Variants in KIAA1328 observed in about 807,000 individuals in gnomAD.
KIAA1328 encodes the protein KIAA1328.
In KIAA1328, 52 loss-of-function variants were observed where a neutral mutation model predicts 68.1. The observed-to-expected ratio is 0.76, with a 90% CI of 0.61 to 0.96. KIAA1328 has a LOEUF of 0.96. Among genes scored for constraint, KIAA1328 ranks in the 40% least tolerant of loss-of-function variants. The pLI, the probability that KIAA1328 is intolerant of heterozygous loss-of-function variation, is 0.00. For missense variants in KIAA1328, 641 were observed against 677.6 expected (o/e 0.95, Z 0.60); for synonymous variants, 232 against 239.4 (o/e 0.97, Z 0.28).
chr18:37,026,164 C>T (rs1350206952), intron 6 of KIAA1328, among the ~76,000 whole-genome samples: 1 of 152,170 alleles, frequency 6.6e-6, no homozygotes, highest in Non-Finnish European at 1.5e-5. Context: ...CCTCCCAAGA[C>T]TAAACCAGGA....
At chr18:37,072,558 T>C (rs2056572941) in intron 7 of KIAA1328, among the ~76,000 whole-genome samples, 1 of 152,188 alleles carries the variant, frequency 6.6e-6, no homozygotes, top group Non-Finnish European at 1.5e-5. Flanking sequence ...TCTTCCTAAA[T>C]TATTTTTTTC....
At chr18:36,946,068 G>A (rs952593449) in intron 5 of KIAA1328, among the ~76,000 whole-genome samples, 1 of 152,118 alleles carries the variant, frequency 6.6e-6, no homozygotes, top group Non-Finnish European at 1.5e-5. Context: ...TCAGAGTTTG[G>A]AGTATTTCTA....
intron 5 of KIAA1328, among the ~76,000 whole-genome samples, chr18:36,895,552 TTATC>T (rs1332983086): frequency 6.6e-6 from 1 of 152,176 alleles, no homozygotes; most frequent in Non-Finnish European, 1.5e-5. Flanking sequence ...TCTAATAAGT[TTATC>T]TAACTGCTAA....
chr18:37,180,320 G>A (rs2059675805), intron 9 of KIAA1328, among the ~76,000 whole-genome samples: 1 of 152,090 alleles, frequency 6.6e-6, no homozygotes, highest in Admixed American at 6.5e-5. Flanking sequence ...AACTGACCAA[G>A]GTCACATAGT....
At chr18:36,893,996 T>C (rs1421944304) in intron 5 of KIAA1328, among the ~76,000 whole-genome samples, 1 of 152,192 alleles carries the variant, frequency 6.6e-6, no homozygotes, top group Non-Finnish European at 1.5e-5. Flanking sequence ...CAGAGCACTT[T>C]CACTTACGCA....
chr18:36,880,649 G>C (rs1489371242), intron 4 of KIAA1328, among the ~76,000 whole-genome samples: 1 of 152,100 alleles, frequency 6.6e-6, no homozygotes, highest in Non-Finnish European at 1.5e-5. Flanking sequence ...TATTCCTGAA[G>C]TGCAAAGGTA....
At position 37,070,454 on chromosome 18, in the gene KIAA1328, T is replaced by C. The variant is rs115182120; in HGVS notation, c.1232+2909T>C. 6.7e-3 allele frequency among the ~76,000 whole-genome samples: 1,027 copies of C among 152,342 alleles called. 16 individuals are homozygous for C. The highest frequency in any genetic ancestry group is 0.023 in the African/African-American group (942 of 41,582). ...ATATATCTATTTTTCCTATTAGTTC[T>C]ATTAGTATTTGTTTTAAATATTTAT... On this transcript the variant is annotated intron_variant, in intron 7 of 9. Coordinates refer to ENST00000280020, the MANE Select transcript of KIAA1328 (RefSeq NM_020776.3).
At chr18:37,062,540 C>T (rs1346510567) in intron 6 of KIAA1328, among the ~76,000 whole-genome samples, 1 of 151,574 alleles carries the variant, frequency 6.6e-6, no homozygotes, top group Non-Finnish European at 1.5e-5. Context: ...ACTGCAAGCT[C>T]CGCCTCCTGG....
At chr18:36,918,187 T>C (rs2049781726) in intron 5 of KIAA1328, among the ~76,000 whole-genome samples, 1 of 152,074 alleles carries the variant, frequency 6.6e-6, no homozygotes, top group Admixed American at 6.5e-5. Context: ...TTGTATCCAA[T>C]CAGTCTCTGA....
At chr18:37,114,225 C>T (rs1324284686) in intron 7 of KIAA1328, among the ~76,000 whole-genome samples, 8 of 152,172 alleles carry the variant, frequency 5.3e-5, no homozygotes, top group Admixed American at 6.5e-5. Flanking sequence ...AGCACCACGT[C>T]GCACTTATTC....
At chr18:37,018,580 T>C (rs2054232665) in intron 6 of KIAA1328, among the ~76,000 whole-genome samples, 1 of 152,190 alleles carries the variant, frequency 6.6e-6, no homozygotes, top group Non-Finnish European at 1.5e-5. Flanking sequence ...CTTTTTATCC[T>C]ATCTCAGGAA....
At chr18:36,915,899 T>C (rs141609436) in intron 5 of KIAA1328, among the ~76,000 whole-genome samples, 26 of 152,340 alleles carry the variant, frequency 1.7e-4, no homozygotes, top group African/African-American at 5.8e-4. Flanking sequence ...AGCAGCACTA[T>C]GCATAATTGC....
intron 8 of KIAA1328, among the ~76,000 whole-genome samples, chr18:37,162,042 T>G (rs1005074542): frequency 3.9e-5 from 6 of 152,168 alleles, no homozygotes; most frequent in African/African-American, 1.4e-4. Context: ...CTAACAGGGG[T>G]TCAGAACCCA....
At chr18:36,948,896 T>G (rs2051024835) in intron 5 of KIAA1328, among the ~76,000 whole-genome samples, 3 of 152,220 alleles carry the variant, frequency 2.0e-5, no homozygotes, top group African/African-American at 7.2e-5. Context: ...GAGCTGGTAG[T>G]TTTCAGCCTG....
At chr18:37,172,871 G>A in intron 8 of KIAA1328, 102 bp from the exon 9 acceptor site, 1 of 745,246 alleles carries the variant, frequency 1.3e-6, no homozygotes, top group Admixed American at 3.0e-5. Flanking sequence ...GCTTACCTTT[G>A]AAGCTTGGAC....
At chr18:37,189,718 A>G (rs2059869378) in intron 9 of KIAA1328, among the ~76,000 whole-genome samples, 1 of 152,156 alleles carries the variant, frequency 6.6e-6, no homozygotes, top group Non-Finnish European at 1.5e-5. Context: ...TTAGAGGGCT[A>G]TTTATATGGG....
chr18:36,989,864 T>G (rs1213080517), intron 6 of KIAA1328, among the ~76,000 whole-genome samples: 2 of 152,032 alleles, frequency 1.3e-5, no homozygotes, highest in Non-Finnish European at 2.9e-5. Context: ...TCAGCTAATT[T>G]TTTGTATTTT....
intron 7 of KIAA1328, among the ~76,000 whole-genome samples, chr18:37,115,996 C>T (rs1222659328): frequency 1.3e-4 from 20 of 152,096 alleles, no homozygotes; most frequent in Non-Finnish European, 4.4e-5. Context: ...AACCACTGCT[C>T]AATGAAATAA....
At chr18:37,131,540 CTA>C (rs922440140) in intron 7 of KIAA1328, among the ~76,000 whole-genome samples, 1 of 152,172 alleles carries the variant, frequency 6.6e-6, no homozygotes, top group African/African-American at 2.4e-5. Context: ...CCCCCTGCGT[CTA>C]CCCAATAAAC....
Sources: gnomAD v4.1 joint callset for allele counts (sites outside exome capture counted in the v4.1 genomes callset) on GRCh38, gnomAD v4.1.1 for gene constraint, MANE v1.5 for transcripts, NCBI Gene and HGNC (gene_info 2026-07-23, HGNC 2026-07-21) for gene names.